Variants in STK3 observed in about 807,000 individuals in gnomAD.
STK3 encodes serine/threonine kinase 3, also known as serine/threonine-protein kinase 3.
STK3 carries 41 observed loss-of-function variants against 58.0 expected under a neutral mutation model. The observed-to-expected ratio is 0.71, with a 90% confidence interval of 0.55 to 0.92. STK3 has a LOEUF of 0.92. STK3 is among the 40% of genes least tolerant of loss of function. The pLI is 0.00. For missense variants in STK3, 479 were observed against 602.7 expected, an observed-to-expected ratio of 0.79 and a Z score of 2.15; for synonymous variants, 170 against 191.0, an observed-to-expected ratio of 0.89 and a Z score of 0.91.
At position 98,800,519 on chromosome 8, in the gene STK3, C is replaced by T. The variant is rs1028059410; in HGVS notation, c.26+24996G>A. Among the ~76,000 whole-genome samples the T allele has an allele frequency of 1.3e-5, 2 of 152,266 alleles. No individual in the cohort carries two copies. Among genetic ancestry groups the T allele is most frequent in the Admixed American group, 6.5e-5 (1 of 15,294 alleles). ...AGGAGCCCTTCAGCCTGCCGCTGCA[C>T]TGTGGGAGCCCCTCTCTGGGCTGGC... On this transcript the variant is annotated intron_variant, in intron 1 of 10. Transcript: ENST00000419617. The surrounding 1 kb of genome is among the most constrained non-coding windows in gnomAD (Gnocchi z 4.8).
chr8:98,636,156 A>G (rs1023102163), intron 6 of STK3, among the ~76,000 whole-genome samples: 6 of 152,150 alleles, frequency 3.9e-5, no homozygotes, highest in African/African-American at 1.2e-4. Flanking sequence ...TTCAATCCTC[A>G]TAACAACTCC....
intron 3 of STK3, among the ~76,000 whole-genome samples, chr8:98,871,379 G>C (rs1250420942): frequency 6.6e-6 from 1 of 152,178 alleles, no homozygotes; most frequent in Non-Finnish European, 1.5e-5. Flanking sequence ...ATTCTGTGAA[G>C]AAAGTCATTG....
At chr8:98,819,303 A>G (rs1479886890) in intron 1 of STK3, among the ~76,000 whole-genome samples, 2 of 151,906 alleles carry the variant, frequency 1.3e-5, no homozygotes, top group African/African-American at 2.4e-5. Context: ...TTTTTTTTAA[A>G]TGTTGAAAGC....
chr8:98,651,877 G>A (rs1460533061), intron 6 of STK3, among the ~76,000 whole-genome samples: 1 of 152,200 alleles, frequency 6.6e-6, no homozygotes, highest in Non-Finnish European at 1.5e-5. Context: ...GAAAGTGACA[G>A]GGAGAATGGA....
chr8:98,844,705 A>G (rs920490909), intron 3 of STK3, among the ~76,000 whole-genome samples: 2 of 152,112 alleles, frequency 1.3e-5, no homozygotes. Context: ...AGCTCAAGGT[A>G]TCCTCCTGCC....
chr8:98,668,295 C>T (rs1288960366), intron 6 of STK3, among the ~76,000 whole-genome samples: 1 of 152,112 alleles, frequency 6.6e-6, no homozygotes, highest in Non-Finnish European at 1.5e-5. Flanking sequence ...CTTTTAGGGG[C>T]ATTTAATCTT....
intron 10 of STK3, among the ~76,000 whole-genome samples, chr8:98,477,730 G>T (rs1428833534): frequency 7.5e-5 from 8 of 105,992 alleles, no homozygotes; most frequent in Non-Finnish European, 9.8e-5. Flanking sequence ...GCGGGGGGGG[G>T]CCCTAATGAA....
chr8:98,506,829 C>T (rs953508348), intron 10 of STK3, among the ~76,000 whole-genome samples: 1 of 152,214 alleles, frequency 6.6e-6, no homozygotes, highest in Non-Finnish European at 1.5e-5. Flanking sequence ...TGTAGCCCTG[C>T]TGATAGCATG....
intron 8 of STK3, among the ~76,000 whole-genome samples, chr8:98,575,017 G>C (rs766614959): frequency 2.6e-5 from 4 of 151,968 alleles, no homozygotes; most frequent in Non-Finnish European, 2.9e-5. Context: ...TTGGCTATTC[G>C]GGGTGGTGGG....
intron 3 of STK3, among the ~76,000 whole-genome samples, chr8:98,406,750 CT>C (rs1265114888): frequency 2.0e-5 from 3 of 152,204 alleles, no homozygotes; most frequent in African/African-American, 2.4e-5. Flanking sequence ...CTACAATGCT[CT>C]TTTTTTCCCA....
chr8:98,526,595 T>C (rs1290708943), intron 10 of STK3, 147 bp downstream of exon 10: 16 of 589,892 alleles, frequency 2.7e-5, no homozygotes, highest in Admixed American at 4.4e-5. Context: ...TCTCTAACCA[T>C]GTATATGGCT....
chr8:98,540,119 A>G (rs1458478265), intron 9 of STK3, among the ~76,000 whole-genome samples: 3 of 152,226 alleles, frequency 2.0e-5, no homozygotes, highest in Admixed American at 1.3e-4. Flanking sequence ...TCTCTGTTCA[A>G]TGTGCTCCAG....
intron 1 of STK3, among the ~76,000 whole-genome samples, chr8:98,929,146 A>T (rs986854529): frequency 2.0e-5 from 3 of 152,188 alleles, no homozygotes; most frequent in African/African-American, 7.2e-5. Context: ...GATGCCTGTA[A>T]TCCCAGCTAC....
intron 1 of STK3, chr8:98,904,943 T>G (rs1178719671): frequency 8.4e-6 from 6 of 710,724 alleles, no homozygotes; most frequent in Non-Finnish European, 1.6e-5. Flanking sequence ...CCTAGTTACA[T>G]GCAGAAGCTG....
At position 98,597,436 on chromosome 8, in the gene STK3, T is replaced by C. The variant is rs998439994; in HGVS notation, c.685-1267A>G. On this transcript the variant is annotated intron_variant, in intron 6 of 10. Transcript: ENST00000419617. ...CATGTTATACATATTACATCTATGA[T>C]AGTCTTTCAAAAGCAGTGTAGCCAG... 1.1e-5 allele frequency: 11 copies of C among 985,162 alleles called. No individual in the cohort carries two copies. In the African/African-American group the frequency reaches 1.4e-4, roughly 13 times the overall value. The allele number at this position is 985,162 out of a possible 1,614,324, so 61.0% of individuals were successfully genotyped here. A position where few individuals can be genotyped will look rare whatever the true frequency, so the allele number is the denominator to read the frequency against.
intron 9 of STK3, among the ~76,000 whole-genome samples, chr8:98,527,383 C>T (rs1369623583): frequency 6.6e-6 from 1 of 151,972 alleles, no homozygotes; most frequent in African/African-American, 2.4e-5. Flanking sequence ...CTTTGGGAGG[C>T]TAAGGTGGAA....
chr8:98,832,431 G>A (rs925953223), intron 3 of STK3, among the ~76,000 whole-genome samples: 5 of 151,942 alleles, frequency 3.3e-5, no homozygotes, highest in African/African-American at 1.2e-4. Context: ...AAGACACAGA[G>A]GCATCCTGTG....
chr8:98,707,147 T>G lies in STK3; in HGVS notation c.516A>C (p.Thr172=). ...TAGAAAACCATTAAAGTTAACTTAC[T>G]GTTAACTGACCAGCCACTCCAAAAT... ...LADFGVAGQL[T]DTMAKRNTVI... The change falls in exon 5 of 11, where the codon ACA becomes ACC. Residue 172 remains threonine (T), a splice_region_variant and synonymous_variant. Transcript: ENST00000419617. 6.2e-7 allele frequency: 1 copy of G among 1,605,412 alleles called. No individual in the cohort carries two copies. The highest frequency in any genetic ancestry group is 1.1e-5 in the South Asian group (1 of 87,400).
the STK3 span, among the ~76,000 whole-genome samples, chr8:98,356,092 G>A: frequency 1.3e-5 from 2 of 152,220 alleles, no homozygotes; most frequent in Non-Finnish European, 2.9e-5. Flanking sequence ...ATCCTACCAT[G>A]GGTGATACCA....
Sources: gnomAD v4.1 joint callset for allele counts (sites outside exome capture counted in the v4.1 genomes callset) on GRCh38, gnomAD v4.1.1 for gene constraint, Gnocchi (gnomAD v3.1) non-coding constraint, MANE v1.5 for transcripts, NCBI Gene and HGNC (gene_info 2026-07-23, HGNC 2026-07-21) for gene names.